CFAP46: variants seen among roughly 807,000 people sequenced by gnomAD.
CFAP46 encodes cilia and flagella associated protein 46, also known as cilia- and flagella-associated protein 46.
CFAP46 carries 245 observed loss-of-function variants against 325.7 expected under a neutral mutation model. The observed-to-expected ratio is 0.75, with a 90% CI of 0.68 to 0.84. The LOEUF (loss-of-function observed/expected upper bound fraction) is 0.84, where lower values mean the gene tolerates loss of function less well. Ranked by LOEUF, CFAP46 falls within the 40% of genes least tolerant of loss-of-function variation. The probability of loss-of-function intolerance (pLI) is 0.00; values close to 1 mark genes in which losing one functional copy is unlikely to be tolerated. For missense variants in CFAP46, 3,346 were observed against 3,543.0 expected, an observed-to-expected ratio of 0.94 and a Z score of 1.41; for synonymous variants, 1,523 against 1,495.9, an observed-to-expected ratio of 1.02 and a Z score of -0.42.
chr10:132,836,284 T>C (rs1848246614), intron 45 of CFAP46, 66 bp from the exon 46 acceptor site: 1 of 1,499,350 alleles, frequency 6.7e-7, no homozygotes, highest in African/African-American at 1.4e-5. Flanking sequence ...ACAGCCCAGC[T>C]CCAGCGACCT....
chr10:132,898,837 G>A (rs1424439044), intron 24 of CFAP46, 122 bp downstream of exon 24: 2 of 1,322,274 alleles, frequency 1.5e-6, no homozygotes, highest in African/African-American at 2.9e-5. Context: ...CTCGGCTGGT[G>A]CTGGTGCACC....
intron 50 of CFAP46, among the ~76,000 whole-genome samples, chr10:132,821,920 G>GTGTGC (rs1847847608): frequency 1.4e-5 from 2 of 145,346 alleles, no homozygotes; most frequent in Admixed American, 6.8e-5. Context: ...GATGTGTGCT[G>GTGTGC]TGTGTGCGCT....
Position 132,941,721 on chromosome 10 carries a change from A to G in CFAP46, c.176T>C (p.Met59Thr). The change falls in exon 3 of 58, where the codon ATG (methionine) becomes ACG (threonine). Residue 59 changes from methionine to threonine, a missense_variant and splice_region_variant. Met to Thr is a moderately conservative substitution (Grantham distance 81). Transcript: ENST00000368586. ...FVLCAEQALK[M>T]RQPEVSEDCI... is the part of the protein sequence containing the mutation. ...GTCCTCGCTCACCTCTGGCTGCCTC[A>G]TCTGCAAGAGAACACCACCACAGAA... 6.2e-7 allele frequency: 1 copy of G among 1,613,938 alleles called. No homozygotes were observed. Among genetic ancestry groups the G allele is most frequent in the Non-Finnish European group, 8.5e-7 (1 of 1,179,994 alleles).
chr10:132,909,834 CGG>C, intron 20 of CFAP46, 83 bp downstream of exon 20: 1 of 1,299,388 alleles, frequency 7.7e-7, no homozygotes, highest in South Asian at 1.9e-5. Context: ...TAAGTGGTCC[CGG>C]GGGCCCCACC....
rs115716522 is a variant in CFAP46, at chr10:132,932,862, C to T, written c.866+1890G>A. The stretch of plus-strand genomic sequence containing the variant: ...TGTTGAGCTGCAGGGATCAGGATCA[C>T]GCTCCTCCGGTGGAGATTAGGCCAG... On this transcript the variant is annotated intron_variant, in intron 8 of 57. Coordinates refer to ENST00000368586, the MANE Select transcript of CFAP46 (RefSeq NM_001200049.3). Among the ~76,000 whole-genome samples, 465 of 152,374 alleles carry T rather than the reference C, an allele frequency of 3.1e-3. 3 individuals are homozygous for T. The highest frequency in any genetic ancestry group is 0.011 in the African/African-American group (441 of 41,590).
intron 39 of CFAP46, among the ~76,000 whole-genome samples, chr10:132,851,918 T>TAGGAATTCTC (rs1848556095): frequency 7.3e-6 from 1 of 136,846 alleles, no homozygotes; most frequent in African/African-American, 3.2e-5. Flanking sequence ...TCCATTTACT[T>TAGGAATTCTC]AGGAATTCTC....
chr10:132,852,208 T>C, intron 39 of CFAP46, among the ~76,000 whole-genome samples: 1 of 146,958 alleles, frequency 6.8e-6, no homozygotes, highest in Non-Finnish European at 1.5e-5. Context: ...AGACGTGGTA[T>C]GTTCCTCCAT....
At chr10:132,927,954 G>C (rs989258567) in intron 9 of CFAP46, among the ~76,000 whole-genome samples, 1 of 152,230 alleles carries the variant, frequency 6.6e-6, no homozygotes, top group Non-Finnish European at 1.5e-5. Context: ...TAACAGGAGG[G>C]CTGGGGCCTG....
At chr10:132,881,616 G>A (rs139005187) in intron 27 of CFAP46, among the ~76,000 whole-genome samples, 22 of 114,452 alleles carry the variant, frequency 1.9e-4, no homozygotes, top group African/African-American at 5.1e-4. Flanking sequence ...AGCCTGCACC[G>A]CACCCTCCGC....
intron 11 of CFAP46, among the ~76,000 whole-genome samples, chr10:132,923,406 C>G (rs1230735807): frequency 7.2e-6 from 1 of 138,736 alleles, no homozygotes; most frequent in African/African-American, 2.8e-5. Flanking sequence ...TGGGGGTGCC[C>G]TGGAACCCCT....
In CFAP46 at chr10:132,869,296, C is replaced by G. The variant is rs1404275275; in HGVS notation, c.4588G>C (p.Val1530Leu). The G allele has an allele frequency of 5.2e-6, 8 of 1,538,804 alleles. No individual in the cohort carries two copies. The highest frequency in any genetic ancestry group is 2.1e-4 in the Middle Eastern group (1 of 4,856). The part of the protein sequence containing the change: ...RHEEAVGQVC[V>L]SELEQASCRK... Reference sequence around the variant, plus strand: ...CACCTGGCCTGCTCCAGCTCGCTGACGCACACCTGCCCGACCGCCTCTTCA... The same window carrying G: ...CACCTGGCCTGCTCCAGCTCGCTGAGGCACACCTGCCCGACCGCCTCTTCA... Residue 1530 changes from valine (V) to leucine (L), a missense_variant, in exon 33 of 58, where the codon GTC becomes CTC. Transcript: ENST00000368586. This position sits in a 1 kb window ranked among gnomAD's most constrained non-coding sequence, Gnocchi z 6.2.
intron 54 of CFAP46, among the ~76,000 whole-genome samples, chr10:132,813,106 C>T (rs1259267297): frequency 1.3e-5 from 2 of 152,164 alleles, no homozygotes; most frequent in Admixed American, 6.5e-5. Flanking sequence ...CAAGGGGACC[C>T]ACGGTGAGCA....
intron 39 of CFAP46, among the ~76,000 whole-genome samples, chr10:132,855,959 T>C (rs9419242): frequency 0.08 from 12,189 of 152,162 alleles, 509 homozygotes; most frequent in Non-Finnish European, 0.092. Flanking sequence ...ACACTTCCAG[T>C]GGGTGTGGCT....
At position 132,832,474 on chromosome 10, in the gene CFAP46, C is replaced by T. The variant is rs1398714495; in HGVS notation, c.7117+884G>A. 6 of 187,688 alleles carry T rather than the reference C, an allele frequency of 3.2e-5. No homozygotes were observed. Among genetic ancestry groups the T allele is most frequent in the East Asian group, 1.7e-4 (1 of 5,716 alleles). 11.6% of individuals were successfully genotyped at this position (187,688 alleles called of 1,614,324 possible). On this transcript the variant is annotated intron_variant, in intron 50 of 57. Coordinates refer to ENST00000368586, the MANE Select transcript of CFAP46 (RefSeq NM_001200049.3). The surrounding 1 kb of genome is among the most constrained non-coding windows in gnomAD (Gnocchi z 4.1). ...TGGCGCTCGCCAGCCAAACCCCCTT[C>T]GAGGCCCCCCGTCCTGCGCGGACTG...
At chr10:132,912,553 CTTCACCTCTCTCCTCT>C in intron 19 of CFAP46, 86 bp downstream of exon 19, 2 of 1,123,216 alleles carry the variant, frequency 1.8e-6, no homozygotes, top group Non-Finnish European at 2.5e-6. Flanking sequence ...CTCTCTCTCT[CTTCACCTCTCTCCTCT>C]TTCACCTCTC....
chr10:132,837,424 CACAG>C (rs202009354), intron 44 of CFAP46, among the ~76,000 whole-genome samples: 1,549 of 152,088 alleles, frequency 0.01, 29 homozygotes, highest in African/African-American at 0.035. Context: ...CATGCACGGA[CACAG>C]ACACCCACCC....
intron 8 of CFAP46, among the ~76,000 whole-genome samples, chr10:132,934,276 C>T (rs1053891085): frequency 2.0e-5 from 3 of 149,538 alleles, no homozygotes; most frequent in Non-Finnish European, 4.4e-5. Flanking sequence ...CCCGTGCCCA[C>T]GAAGGCAAAA....
Position 132,857,683 on chromosome 10 carries a change from G to C in CFAP46, c.5481C>G (p.His1827Gln). 1 of 1,613,830 alleles carries C rather than the reference G, an allele frequency of 6.2e-7. No homozygotes were observed. The highest frequency in any genetic ancestry group is 8.5e-7 in the Non-Finnish European group (1 of 1,179,958). The change falls in exon 39 of 58, where the codon CAC (histidine) becomes CAG (glutamine). Residue 1827 changes from histidine (H) to glutamine (Q), a missense_variant. Physicochemically the swap from His to Gln is conservative, Grantham distance 24. Transcript: ENST00000368586. Reference sequence around the variant, plus strand: ...CCAGGCCATATAAGCCCTGGATGCTGTGAAGCCTCCCTTCTTCCTCAGCTA... The same window carrying C: ...CCAGGCCATATAAGCCCTGGATGCTCTGAAGCCTCCCTTCTTCCTCAGCTA... ...GAVAEEEGRLHSIQGLYGLAQ... is the reference protein window; with the variant it reads ...GAVAEEEGRLQSIQGLYGLAQ...
chr10:132,885,687 G>C lies in CFAP46; in HGVS notation c.3443+134C>G. 4 of 766,698 alleles carry C rather than the reference G, an allele frequency of 5.2e-6. No homozygotes were observed. In the South Asian group the frequency reaches 8.2e-5, roughly 16 times the overall value. 47.5% of individuals were successfully genotyped at this position (766,698 alleles called of 1,614,324 possible). On this transcript the variant is annotated intron_variant, in intron 26 of 57. Coordinates refer to ENST00000368586, the MANE Select transcript of CFAP46 (RefSeq NM_001200049.3). ...GCAGGTGGTGGGGGGAGCACACTCC[G>C]GTGGGGGAGCACACCCCCGGTGGGG... is the stretch of plus-strand genomic sequence containing the variant.
Sources: allele counts gnomAD v4.1 joint callset (sites outside exome capture counted in the v4.1 genomes callset), GRCh38; gene constraint gnomAD v4.1.1; non-coding constraint Gnocchi (gnomAD v3.1); transcripts MANE v1.5; gene names NCBI Gene and HGNC (gene_info 2026-07-23, HGNC 2026-07-21).